Variants in SWAP70 observed in about 807,000 individuals in gnomAD.
SWAP70 encodes the protein switch-associated protein 70.
In SWAP70, 34 loss-of-function variants were observed where a neutral mutation model predicts 80.2. The ratio of observed to expected loss-of-function variants is 0.42; its 90% CI spans 0.32 to 0.56. SWAP70 has a LOEUF of 0.56. Ranked by LOEUF, SWAP70 falls within the 20% of genes least tolerant of loss-of-function variation. The probability of loss-of-function intolerance (pLI) is 0.09; values close to 1 mark genes in which losing one functional copy is unlikely to be tolerated. For synonymous variants in SWAP70, 239 were observed against 238.5 expected (o/e 1.00, Z -0.02); for missense variants, 578 against 690.7 (o/e 0.84, Z 1.83).
At chr11:9,748,893 C>T (rs765486587) in intron 10 of SWAP70, among the ~76,000 whole-genome samples, 194 bp from the exon 11 acceptor site, 33 of 152,166 alleles carry the variant, frequency 2.2e-4, no homozygotes, top group Non-Finnish European at 3.8e-4. Flanking sequence ...GTGTGACTCT[C>T]GGCAGGTTAC....
At chr11:9,697,304 C>CT (rs1850771157) in intron 2 of SWAP70, among the ~76,000 whole-genome samples, 2 of 118,490 alleles carry the variant, frequency 1.7e-5, no homozygotes, top group Non-Finnish European at 3.6e-5. Flanking sequence ...TTTTTTTTTT[C>CT]TTTTTTTTGC....
At chr11:9,672,768 C>A (rs549287581) in intron 1 of SWAP70, among the ~76,000 whole-genome samples, 1 of 151,642 alleles carries the variant, frequency 6.6e-6, no homozygotes, top group East Asian at 2.0e-4. Context: ...CTTGAGGGCC[C>A]CCAGTGTAGT....
At position 9,750,065 on chromosome 11, in the gene SWAP70, T is replaced by G; in HGVS notation, c.*95T>G. ...AAGAAACAGCTTTGGGGGCCGGGCGTGGTGGCTCACGCCTGTAATCCCAGC... is the reference window on the plus strand; with the variant it reads ...AAGAAACAGCTTTGGGGGCCGGGCGGGGTGGCTCACGCCTGTAATCCCAGC... On this transcript the variant is annotated 3_prime_UTR_variant, in exon 12 of 12. Transcript: ENST00000318950. The G allele has an allele frequency of 6.9e-6, 6 of 875,482 alleles. No individual in the cohort carries two copies. The highest frequency in any genetic ancestry group is 1.1e-5 in the Non-Finnish European group (6 of 557,836). The allele number at this position is 875,482 out of a possible 1,614,324, so 54.2% of individuals were successfully genotyped here.
intron 2 of SWAP70, among the ~76,000 whole-genome samples, chr11:9,712,386 CACAG>C (rs756773667): frequency 1.3e-5 from 2 of 152,058 alleles, no homozygotes; most frequent in Non-Finnish European, 2.9e-5. Context: ...ATTTTAAGAG[CACAG>C]ACCTAGTTCT....
At chr11:9,681,741 C>T (rs1269239353) in intron 1 of SWAP70, among the ~76,000 whole-genome samples, 1 of 152,130 alleles carries the variant, frequency 6.6e-6, no homozygotes, top group African/African-American at 2.4e-5. Flanking sequence ...AGGCAGAATG[C>T]AGAGGAAGGG....
chr11:9,736,933 G>A (rs1851370729), intron 7 of SWAP70, among the ~76,000 whole-genome samples: 1 of 152,212 alleles, frequency 6.6e-6, no homozygotes, highest in Admixed American at 6.5e-5. Flanking sequence ...TGGCTGGTCT[G>A]GAAGAGCAGT....
At chr11:9,711,544 G>A (rs1364796432) in intron 2 of SWAP70, among the ~76,000 whole-genome samples, 11 of 152,080 alleles carry the variant, frequency 7.2e-5, no homozygotes, top group Admixed American at 7.2e-4. Flanking sequence ...CTGTTCCTTG[G>A]CAGCTAGAGC....
chr11:9,686,117 TCAAA>T (rs1489884771), intron 1 of SWAP70, among the ~76,000 whole-genome samples: 8 of 151,798 alleles, frequency 5.3e-5, no homozygotes. Flanking sequence ...CATAGAATAC[TCAAA>T]CAATGTATTA....
At chr11:9,740,149 T>A (rs1851416739) in intron 8 of SWAP70, 32 bp from the exon 9 acceptor site, 1 of 1,600,974 alleles carries the variant, frequency 6.2e-7, no homozygotes, top group Non-Finnish European at 8.5e-7. Context: ...GAAGTCAACC[T>A]GCATTTAAAC....
chr11:9,735,624 G>T (rs1851353794), intron 7 of SWAP70, among the ~76,000 whole-genome samples: 1 of 152,216 alleles, frequency 6.6e-6, no homozygotes, highest in Non-Finnish European at 1.5e-5. Flanking sequence ...TGTGCCGGAA[G>T]AAAAAGTGTT....
At chr11:9,734,233 A>G (rs1851336113) in intron 7 of SWAP70, among the ~76,000 whole-genome samples, 1 of 152,198 alleles carries the variant, frequency 6.6e-6, no homozygotes, top group Admixed American at 6.5e-5. Context: ...CCACTGATCA[A>G]TTCTCTGTTC....
rs980757688 is a variant in SWAP70 at position 9,683,132 on chromosome 11, G to A, written c.100-11014G>A. Among the ~76,000 whole-genome samples, 3 of 152,310 alleles carry A rather than the reference G, an allele frequency of 2.0e-5. No individual in the cohort carries two copies. The East Asian group carries it at 5.8e-4, about 29-fold the overall frequency. ...TATTCTGTCTGGGCTGGGTACGCTG[G>A]CGCATGCCTGTAATTCCAGCACTTG... is the stretch of plus-strand genomic sequence containing the variant. On this transcript the variant is annotated intron_variant, in intron 1 of 11. Coordinates refer to ENST00000318950, the MANE Select transcript of SWAP70 (RefSeq NM_015055.4).
intron 1 of SWAP70, among the ~76,000 whole-genome samples, chr11:9,668,623 C>T (rs1200493819): frequency 1.3e-5 from 2 of 152,108 alleles, no homozygotes; most frequent in African/African-American, 2.4e-5. Flanking sequence ...TGTAAGGTAC[C>T]ATGCTAATTT....
rs534721648 is a variant in SWAP70, at chr11:9,749,339, T to C, written c.1651+156T>C. 1.1e-4 allele frequency among the ~76,000 whole-genome samples: 16 copies of C among 152,258 alleles called. No homozygotes were observed. In the East Asian group the frequency reaches 2.3e-3, roughly 22 times the overall value. ...TTGGCTCACTGCAAGCTCCGCCTCCTGGGTTCATGCCATTCTCCTGCCTTA... is the reference window on the plus strand; with the variant it reads ...TTGGCTCACTGCAAGCTCCGCCTCCCGGGTTCATGCCATTCTCCTGCCTTA... On this transcript the variant is annotated intron_variant, in intron 11 of 11. Transcript: ENST00000318950.
chr11:9,711,267 A>G (rs1161925298), intron 2 of SWAP70, among the ~76,000 whole-genome samples: 2 of 151,806 alleles, frequency 1.3e-5, no homozygotes, highest in Non-Finnish European at 2.9e-5. Context: ...ACTACCTTCA[A>G]CTCTTTCAGT....
At chr11:9,738,404 A>C (rs1457550053) in intron 8 of SWAP70, 84 bp downstream of exon 8, 10 of 951,842 alleles carry the variant, frequency 1.1e-5, no homozygotes, top group East Asian at 2.8e-5. Context: ...GGCTACAGTG[A>C]GGCATGTCAT....
intron 3 of SWAP70, among the ~76,000 whole-genome samples, chr11:9,715,906 A>G (rs1851060326): frequency 6.6e-6 from 1 of 152,190 alleles, no homozygotes; most frequent in African/African-American, 2.4e-5. Flanking sequence ...CCACTTCCCA[A>G]TTATCATCAG....
chr11:9,716,017 G>T (rs1851061534), intron 3 of SWAP70, among the ~76,000 whole-genome samples: 1 of 152,176 alleles, frequency 6.6e-6, no homozygotes, highest in African/African-American at 2.4e-5. Flanking sequence ...TTCTACATTG[G>T]CAGGTAGGGA....
In SWAP70 at chr11:9,711,352, G is replaced by A. The variant is rs188192549; in HGVS notation, c.241-2114G>A. Reference sequence around the variant, plus strand: ...CAGTCTTCACCTACCTCACTGGCTTGTCTTTCACTGTGTCCCAAGTAATGG... The same window carrying A: ...CAGTCTTCACCTACCTCACTGGCTTATCTTTCACTGTGTCCCAAGTAATGG... On this transcript the variant is annotated intron_variant, in intron 2 of 11. Coordinates refer to ENST00000318950, the MANE Select transcript of SWAP70 (RefSeq NM_015055.4). 2.4e-3 allele frequency among the ~76,000 whole-genome samples: 368 copies of A among 152,206 alleles called. 5 individuals carry two copies. Among genetic ancestry groups the A allele is most frequent in the Admixed American group, 0.02 (310 of 15,278 alleles).
Sources: allele counts gnomAD v4.1 joint callset (sites outside exome capture counted in the v4.1 genomes callset), GRCh38; gene constraint gnomAD v4.1.1; transcripts MANE v1.5; gene names NCBI Gene and HGNC (gene_info 2026-07-23, HGNC 2026-07-21).